SLCO1C1: variants seen among roughly 807,000 people sequenced by gnomAD.
SLCO1C1 encodes the protein OAT-RP-5.
In SLCO1C1, 70 loss-of-function variants were observed where a neutral mutation model predicts 76.4. That is an observed-to-expected ratio of 0.92 (90% CI 0.76 to 1.12). The LOEUF (loss-of-function observed/expected upper bound fraction) is 1.12, where lower values mean the gene tolerates loss of function less well. SLCO1C1 is among the 50% of genes most tolerant of loss of function. SLCO1C1 has a pLI of 0.00. For missense variants in SLCO1C1, 912 were observed against 823.8 expected, an observed-to-expected ratio of 1.11 and a Z score of -1.31; for synonymous variants, 306 against 286.1, an observed-to-expected ratio of 1.07 and a Z score of -0.70.
chr12:20,749,456 G>T (rs562681302), intron 13 of SLCO1C1, among the ~76,000 whole-genome samples: 18 of 152,212 alleles, frequency 1.2e-4, no homozygotes, highest in African/African-American at 4.1e-4. Flanking sequence ...GTTCTTAAGA[G>T]AACTCAGAAG....
In SLCO1C1 at chr12:20,699,582, C is replaced by G. The variant is rs1358712216; in HGVS notation, c.6C>G (p.Asp2Glu). 1.9e-6 allele frequency: 3 copies of G among 1,610,032 alleles called. No individual in the cohort carries two copies. The highest frequency in any genetic ancestry group is 1.3e-5 in the African/African-American group (1 of 74,594). ...AGTCAAGGAATGTGTTTATAATGGACACTTCATCCAAAGAAAATATCCAGT... is the reference window on the plus strand; with the variant it reads ...AGTCAAGGAATGTGTTTATAATGGAGACTTCATCCAAAGAAAATATCCAGT... MDTSSKENIQLF... is the reference protein window; with the variant it reads METSSKENIQLF... Residue 2 changes from aspartate (D) to glutamate (E), a missense_variant, in exon 2 of 15, where the codon GAC (aspartate) becomes GAG (glutamate). Physicochemically the swap from Asp to Glu is conservative, Grantham distance 45 (BLOSUM62 2). Coordinates refer to ENST00000266509, the MANE Select transcript of SLCO1C1 (RefSeq NM_017435.5).
At chr12:20,715,096 A>G (rs754669944) in intron 5 of SLCO1C1, 43 bp from the exon 6 acceptor site, 2 of 1,609,918 alleles carry the variant, frequency 1.2e-6, no homozygotes, top group South Asian at 2.2e-5. Flanking sequence ...CTTAACTTTT[A>G]AAGTGATCTA....
chr12:20,736,526 CAGG>C (rs1948550898), intron 10 of SLCO1C1, among the ~76,000 whole-genome samples: 1 of 152,098 alleles, frequency 6.6e-6, no homozygotes, highest in African/African-American at 2.4e-5. Flanking sequence ...GGAGGATACA[CAGG>C]AGAAAGGTTG....
At chr12:20,702,312 A>G (rs1946564768) in intron 3 of SLCO1C1, among the ~76,000 whole-genome samples, 2 of 151,882 alleles carry the variant, frequency 1.3e-5, no homozygotes, top group African/African-American at 4.8e-5. Flanking sequence ...CATACATACT[A>G]TGTGTTTTGG....
intron 11 of SLCO1C1, among the ~76,000 whole-genome samples, chr12:20,738,057 G>C (rs1056998813): frequency 6.6e-6 from 1 of 151,996 alleles, no homozygotes; most frequent in Non-Finnish European, 1.5e-5. Context: ...AGAGCAGACA[G>C]GGAGAGACAG....
chr12:20,720,202 A>AT (rs573704089), intron 7 of SLCO1C1, among the ~76,000 whole-genome samples: 4,196 of 151,946 alleles, frequency 0.028, 124 homozygotes, highest in African/African-American at 0.074. Flanking sequence ...CAGGAAAAAA[A>AT]ATATATATAT....
chr12:20,750,006 G>T (rs1949221022), intron 13 of SLCO1C1, among the ~76,000 whole-genome samples: 1 of 152,156 alleles, frequency 6.6e-6, no homozygotes, highest in Non-Finnish European at 1.5e-5. Context: ...AGAAATCCAA[G>T]AAAATTTGAG....
At chr12:20,707,506 T>C (rs1946838953) in intron 4 of SLCO1C1, among the ~76,000 whole-genome samples, 2 of 152,150 alleles carry the variant, frequency 1.3e-5, no homozygotes, top group African/African-American at 4.8e-5. Context: ...CAGTAGCTCT[T>C]CTATGTGACA....
intron 12 of SLCO1C1, among the ~76,000 whole-genome samples, chr12:20,742,993 G>T (rs1186749969): frequency 6.6e-6 from 1 of 152,018 alleles, no homozygotes; most frequent in African/African-American, 2.4e-5. Context: ...AATTTCTTAG[G>T]AATTTGAGTT....
chr12:20,708,299 G>GTA lies in SLCO1C1; in HGVS notation c.404+2226_404+2227dup, dbSNP rs150816239. 8.6e-3 allele frequency among the ~76,000 whole-genome samples: 1,303 copies of GTA among 152,082 alleles called. 21 individuals are homozygous for GTA. Among genetic ancestry groups the GTA allele is most frequent in the African/African-American group, 0.03 (1,230 of 41,466 alleles). On this transcript the variant is annotated intron_variant, in intron 4 of 14. Transcript: ENST00000266509. ...CATTTAACTCATTAATTTAGCAAGTGTATATATATTTGTGATATATGTATA... is the reference window on the plus strand; with the variant it reads ...CATTTAACTCATTAATTTAGCAAGTGTATATATATATTTGTGATATATGTATA...
intron 9 of SLCO1C1, among the ~76,000 whole-genome samples, chr12:20,724,451 A>ATATATG (rs1555129500): frequency 1.5e-4 from 11 of 75,384 alleles, no homozygotes; most frequent in African/African-American, 3.7e-4. Flanking sequence ...ATATATATAT[A>ATATATG]TGTGTGTGTG....
chr12:20,746,417 C>A (rs1949045662), intron 13 of SLCO1C1, among the ~76,000 whole-genome samples: 1 of 151,778 alleles, frequency 6.6e-6, no homozygotes, highest in Admixed American at 6.6e-5. Context: ...CCAAATTAGT[C>A]AATTAAGGAA....
chr12:20,717,275 T>C lies in SLCO1C1; in HGVS notation c.775+45T>C, dbSNP rs371398035. 78 of 1,443,472 alleles carry C rather than the reference T, an allele frequency of 5.4e-5. 1 individual carries two copies. The East Asian group carries it at 9.9e-4, about 18-fold the overall frequency. 89.4% of individuals were successfully genotyped at this position (1,443,472 alleles called of 1,614,324 possible). A position where few individuals can be genotyped will look rare whatever the true frequency, so the allele number is the denominator to read the frequency against. Reference sequence around the variant, plus strand: ...ATTTATTCATGTATTTTAGTCACTGTAACATTTTTAATGGGAACAGTGTGG... The same window carrying C: ...ATTTATTCATGTATTTTAGTCACTGCAACATTTTTAATGGGAACAGTGTGG... On this transcript the variant is annotated intron_variant, in intron 7 of 14. Coordinates refer to ENST00000266509, the MANE Select transcript of SLCO1C1 (RefSeq NM_017435.5).
rs762589020 is a variant in SLCO1C1 at position 20,733,091 on chromosome 12, G to T, written c.1369G>T (p.Val457Phe). ...CENSDVAGLT[V>F]SYQGTKPVSY... The stretch of plus-strand genomic sequence containing the variant: ...AAATTCTGATGTGGCAGGACTAACT[G>T]TCTCCTACCAAGGGTATGTTCCCTC... The change falls in exon 10 of 15, where the codon GTC becomes TTC. Residue 457 changes from valine (V) to phenylalanine (F), a missense_variant. Coordinates refer to ENST00000266509, the MANE Select transcript of SLCO1C1 (RefSeq NM_017435.5). 6.3e-7 allele frequency: 1 copy of T among 1,585,310 alleles called. No homozygotes were observed. The highest frequency in any genetic ancestry group is 8.6e-7 in the Non-Finnish European group (1 of 1,168,624).
At chr12:20,732,197 C>A (rs150005751) in intron 9 of SLCO1C1, among the ~76,000 whole-genome samples, 1 of 152,254 alleles carries the variant, frequency 6.6e-6, no homozygotes, top group Non-Finnish European at 1.5e-5. Context: ...TTCCCAAACC[C>A]CTGAAGGAGA....
At chr12:20,699,776 G>A in intron 2 of SLCO1C1, 71 bp downstream of exon 2, 1 of 1,370,626 alleles carries the variant, frequency 7.3e-7, no homozygotes, top group Non-Finnish European at 9.7e-7. Context: ...ATATAATGAA[G>A]TTAGAATGAG....
At chr12:20,718,124 T>A (rs559256693) in intron 7 of SLCO1C1, among the ~76,000 whole-genome samples, 88 of 152,324 alleles carry the variant, frequency 5.8e-4, no homozygotes, top group African/African-American at 2.1e-3. Context: ...GTTGAGTTCC[T>A]TGACTTCAAA....
At chr12:20,717,826 G>A (rs1019930261) in intron 7 of SLCO1C1, among the ~76,000 whole-genome samples, 2 of 151,216 alleles carry the variant, frequency 1.3e-5, no homozygotes, top group African/African-American at 4.9e-5. Context: ...CTAATAACTT[G>A]TTTCTATCTC....
chr12:20,710,459 A>G (rs541133187), intron 4 of SLCO1C1, among the ~76,000 whole-genome samples: 3 of 152,152 alleles, frequency 2.0e-5, no homozygotes, highest in South Asian at 4.1e-4. Flanking sequence ...TTCTTACCAG[A>G]TACCTCTTCC....
Sources: allele counts gnomAD v4.1 joint callset (sites outside exome capture counted in the v4.1 genomes callset), GRCh38; gene constraint gnomAD v4.1.1; transcripts MANE v1.5; gene names NCBI Gene and HGNC (gene_info 2026-07-23, HGNC 2026-07-21).